Variants in INSL6 observed in about 807,000 individuals in gnomAD.
INSL6 encodes the protein insulin like 6.
In INSL6, 16 loss-of-function variants were observed where a neutral mutation model predicts 9.4. The observed-to-expected ratio is 1.70, with a 90% CI of 1.15 to 2.59. The LOEUF (loss-of-function observed/expected upper bound fraction) is 2.59, where lower values mean the gene tolerates loss of function less well. Among genes scored for constraint, INSL6 ranks in the 30% most tolerant of loss-of-function variants. The pLI is 0.00. For synonymous variants in INSL6, 154 were observed against 96.9 expected, an observed-to-expected ratio of 1.59 and a Z score of -3.46; for missense variants, 391 against 257.3, an observed-to-expected ratio of 1.52 and a Z score of -3.56.
chr9:5,055,860 T>A, the INSL6 span: 1 of 1,339,166 alleles, frequency 7.5e-7, no homozygotes, highest in Non-Finnish European at 1.0e-6. Flanking sequence ...AGAATCTTAG[T>A]ACCAAAATTA....
chr9:5,085,792 C>T, the INSL6 span: 2 of 755,622 alleles, frequency 2.6e-6, no homozygotes, highest in South Asian at 2.7e-5. Flanking sequence ...ATATTACATG[C>T]TCGGGCCATT....
At chr9:5,030,917 G>C in the INSL6 span, among the ~76,000 whole-genome samples, 3 of 151,972 alleles carry the variant, frequency 2.0e-5, no homozygotes, top group Non-Finnish European at 4.4e-5. Flanking sequence ...AGAAATAATA[G>C]ATGTACAAAA....
chr9:5,039,580 T>A, the INSL6 span, among the ~76,000 whole-genome samples: 118 of 152,216 alleles, frequency 7.8e-4, no homozygotes, highest in African/African-American at 2.8e-3. Context: ...ATCTTGCATA[T>A]TAAAAATCCT....
chr9:5,183,522 G>A lies in INSL6; in HGVS notation c.289+1792C>T, dbSNP rs528206698. 1.1e-4 allele frequency among the ~76,000 whole-genome samples: 17 copies of A among 152,324 alleles called. No homozygotes were observed. In the South Asian group the frequency reaches 2.9e-3, roughly 26 times the overall value. On this transcript the variant is annotated intron_variant, in intron 1 of 1. Coordinates refer to ENST00000381641, the MANE Select transcript of INSL6 (RefSeq NM_007179.3). ...AACAAAAGGATCATTAACAAGCTGA[G>A]TTTTAAGGTTGAACATTTTTATTAA...
chr9:5,175,096 C>T (rs1173971890), intron 1 of INSL6, among the ~76,000 whole-genome samples: 3 of 152,086 alleles, frequency 2.0e-5, no homozygotes, highest in South Asian at 2.1e-4. Flanking sequence ...CCCACCACCA[C>T]GCCCAGCAAA....
At chr9:5,065,209 G>T in the INSL6 span, among the ~76,000 whole-genome samples, 1 of 152,106 alleles carries the variant, frequency 6.6e-6, no homozygotes, top group Non-Finnish European at 1.5e-5. Flanking sequence ...ATTATTTAGT[G>T]TATAATTTAC....
At chr9:4,999,637 A>G in the INSL6 span, among the ~76,000 whole-genome samples, 1 of 152,184 alleles carries the variant, frequency 6.6e-6, no homozygotes, top group South Asian at 2.1e-4. Flanking sequence ...TCAAGTCTCA[A>G]AACTGAAGAA....
At chr9:5,109,096 T>G in the INSL6 span, 19 of 152,254 alleles carry the variant, frequency 1.2e-4, no homozygotes, top group African/African-American at 4.6e-4. Flanking sequence ...AACATCACTA[T>G]TATGCTTACA....
At chr9:5,039,222 C>T in the INSL6 span, among the ~76,000 whole-genome samples, 2 of 152,072 alleles carry the variant, frequency 1.3e-5, no homozygotes, top group Non-Finnish European at 2.9e-5. Context: ...AAATTGTAGT[C>T]ATCCCGCTGT....
the INSL6 span, among the ~76,000 whole-genome samples, chr9:5,092,762 G>C: frequency 6.6e-6 from 1 of 152,200 alleles, no homozygotes; most frequent in Admixed American, 6.5e-5. Context: ...ATAGTGGGAA[G>C]ATTCATGAGT....
downstream of INSL6, chr9:5,163,778 T>A (rs77652261): frequency 1.6e-6 from 1 of 634,058 alleles, no homozygotes; most frequent in East Asian, 2.7e-5. Flanking sequence ...ATTACCACTA[T>A]AAGGTATGGT....
chr9:5,161,173 G>A (rs1347148107), downstream of INSL6, among the ~76,000 whole-genome samples: 11 of 152,094 alleles, frequency 7.2e-5, no homozygotes, highest in Admixed American at 7.2e-4. Flanking sequence ...GAACACTGAT[G>A]CAAAAATCCT....
chr9:5,121,466 T>C (rs1823610400), downstream of INSL6, among the ~76,000 whole-genome samples: 1 of 152,158 alleles, frequency 6.6e-6, no homozygotes, highest in African/African-American at 2.4e-5. Context: ...ACTTTTCATA[T>C]CTTCATGACA....
the INSL6 span, among the ~76,000 whole-genome samples, chr9:5,023,433 C>CG: frequency 6.6e-6 from 1 of 152,044 alleles, no homozygotes; most frequent in Non-Finnish European, 1.5e-5. Context: ...GCTTAGGACT[C>CG]GGGGGGAGCG....
chr9:5,122,428 G>A (rs1163695736), downstream of INSL6, among the ~76,000 whole-genome samples: 2 of 151,916 alleles, frequency 1.3e-5, no homozygotes, highest in African/African-American at 4.8e-5. Context: ...TTTTTCTCCA[G>A]CATATTTATA....
chr9:5,035,885 G>A, the INSL6 span, among the ~76,000 whole-genome samples: 1 of 152,166 alleles, frequency 6.6e-6, no homozygotes, highest in Non-Finnish European at 1.5e-5. Context: ...GGCCAGGGCA[G>A]TCAGGCTGGA....
At chr9:5,031,941 T>C in the INSL6 span, among the ~76,000 whole-genome samples, 1 of 152,156 alleles carries the variant, frequency 6.6e-6, no homozygotes, top group Admixed American at 6.5e-5. Context: ...ACACTGAGCA[T>C]GAGCCGAAGC....
At chr9:5,022,287 A>C in the INSL6 span, 4 of 888,862 alleles carry the variant, frequency 4.5e-6, no homozygotes, top group African/African-American at 3.4e-5. Flanking sequence ...TACTAGGTAC[A>C]TGCATAATAT....
the INSL6 span, among the ~76,000 whole-genome samples, chr9:5,045,925 A>G: frequency 6.6e-6 from 1 of 152,156 alleles, no homozygotes; most frequent in Non-Finnish European, 1.5e-5. Context: ...TCGCTGGATC[A>G]TATGGTAAAT....
Sources: allele counts gnomAD v4.1 joint callset (sites outside exome capture counted in the v4.1 genomes callset), GRCh38; gene constraint gnomAD v4.1.1; transcripts MANE v1.5; gene names NCBI Gene and HGNC (gene_info 2026-07-23, HGNC 2026-07-21).